HCN1: variants seen among roughly 807,000 people sequenced by gnomAD.
HCN1 encodes the protein potassium/sodium hyperpolarization-activated cyclic nucleotide-gated channel 1.
In HCN1, 13 loss-of-function variants were observed where a neutral mutation model predicts 78.9. That is an observed-to-expected ratio of 0.16 (90% CI 0.11 to 0.26). The LOEUF (loss-of-function observed/expected upper bound fraction) is 0.26, where lower values mean the gene tolerates loss of function less well. Ranked by LOEUF, HCN1 falls within the 10% of genes least tolerant of loss-of-function variation. The probability of loss-of-function intolerance (pLI) is 1.00; values close to 1 mark genes in which losing one functional copy is unlikely to be tolerated. For missense variants in HCN1, 810 were observed against 1,154.3 expected (o/e 0.70, Z 4.32); for synonymous variants, 552 against 455.5 (o/e 1.21, Z -2.70).
intron 2 of HCN1, among the ~76,000 whole-genome samples, chr5:45,488,601 G>T (rs867352798): frequency 2.0e-5 from 3 of 152,144 alleles, no homozygotes; most frequent in Middle Eastern, 3.4e-3. Flanking sequence ...CTAAAGAGCT[G>T]CCAGAGTTCA....
intron 1 of HCN1, among the ~76,000 whole-genome samples, chr5:45,671,647 T>C (rs1746154166): frequency 6.6e-6 from 1 of 151,466 alleles, no homozygotes; most frequent in Non-Finnish European, 1.5e-5. Context: ...TAAAAAAATA[T>C]GAAGGTAGAA....
intron 3 of HCN1, among the ~76,000 whole-genome samples, chr5:45,401,299 G>A (rs566285807): frequency 1.8e-4 from 27 of 152,166 alleles, no homozygotes; most frequent in East Asian, 1.7e-3. Context: ...TTGAGAAGGC[G>A]TTCATGTATT....
At chr5:45,281,674 G>A (rs919559213) in intron 6 of HCN1, among the ~76,000 whole-genome samples, 11 of 132,952 alleles carry the variant, frequency 8.3e-5, no homozygotes, top group South Asian at 5.1e-4. Flanking sequence ...TGTAACCTCC[G>A]CTTCCTGGGT....
intron 2 of HCN1, among the ~76,000 whole-genome samples, chr5:45,557,067 T>TA (rs956699976): frequency 2.6e-5 from 4 of 152,126 alleles, no homozygotes; most frequent in African/African-American, 2.4e-5. Context: ...TTGAAAGACT[T>TA]ACAACCTTCA....
chr5:45,397,188 C>G (rs986748280), intron 3 of HCN1, among the ~76,000 whole-genome samples: 1 of 152,082 alleles, frequency 6.6e-6, no homozygotes, highest in African/African-American at 2.4e-5. Flanking sequence ...GTCCTTACCA[C>G]TACAACTTTC....
rs1287199477 is a variant in HCN1, at chr5:45,689,899, ATAACAGGAATGTCAACCTT to A, written c.425+5751_425+5769del. ...TGTCCTAAAACAGCCTGTAAATATC[ATAACAGGAATGTCAACCTT>A]GGAGAACCTACGTTATTCGTGTCAT... On this transcript the variant is annotated intron_variant, in intron 1 of 7. Transcript: ENST00000303230. Among the ~76,000 whole-genome samples the A allele has an allele frequency of 3.3e-5, 5 of 152,272 alleles. No individual in the cohort carries two copies. The East Asian group carries it at 9.6e-4, about 29-fold the overall frequency.
At chr5:45,489,737 G>C (rs917800656) in intron 2 of HCN1, among the ~76,000 whole-genome samples, 5 of 152,150 alleles carry the variant, frequency 3.3e-5, no homozygotes, top group Non-Finnish European at 4.4e-5. Flanking sequence ...TGTTCTCCAA[G>C]ATGTGGTTCC....
intron 6 of HCN1, among the ~76,000 whole-genome samples, chr5:45,279,694 T>C (rs1745123644): frequency 6.6e-6 from 1 of 152,104 alleles, no homozygotes; most frequent in African/African-American, 2.4e-5. Flanking sequence ...GTTTCACTGG[T>C]ACCTCATACA....
chr5:45,386,253 G>A (rs1219549604), intron 4 of HCN1, among the ~76,000 whole-genome samples: 1 of 148,584 alleles, frequency 6.7e-6, no homozygotes, highest in Non-Finnish European at 1.5e-5. Context: ...AGAGCTCACT[G>A]CAGCCTCAAC....
chr5:45,589,194 G>A (rs969113001), intron 2 of HCN1, among the ~76,000 whole-genome samples: 2 of 152,200 alleles, frequency 1.3e-5, no homozygotes, highest in African/African-American at 4.8e-5. Context: ...GCTGTTTTCA[G>A]CATAATACAC....
intron 2 of HCN1, among the ~76,000 whole-genome samples, chr5:45,623,218 G>C (rs1425063942): frequency 6.6e-6 from 1 of 152,064 alleles, no homozygotes; most frequent in Non-Finnish European, 1.5e-5. Flanking sequence ...ATCCATAAGA[G>C]GAGAACTGTG....
intron 5 of HCN1, among the ~76,000 whole-genome samples, chr5:45,334,795 A>T (rs1199215993): frequency 6.6e-6 from 1 of 151,984 alleles, no homozygotes; most frequent in Admixed American, 6.6e-5. Flanking sequence ...TTTGTTATTT[A>T]TGCCTGTTAC....
intron 3 of HCN1, among the ~76,000 whole-genome samples, chr5:45,408,731 A>T (rs1739974086): frequency 6.6e-6 from 1 of 152,162 alleles, no homozygotes; most frequent in South Asian, 2.1e-4. Context: ...TTAGTAGATC[A>T]TCTCTTTTAT....
chr5:45,406,271 C>G (rs1739917745), intron 3 of HCN1, among the ~76,000 whole-genome samples: 1 of 151,960 alleles, frequency 6.6e-6, no homozygotes, highest in Non-Finnish European at 1.5e-5. Flanking sequence ...TAAATATAAG[C>G]AAACATATTT....
At chr5:45,564,523 C>T (rs1234077921) in intron 2 of HCN1, among the ~76,000 whole-genome samples, 1 of 152,150 alleles carries the variant, frequency 6.6e-6, no homozygotes, top group Non-Finnish European at 1.5e-5. Context: ...CCTACAACTC[C>T]TATCCTCCTA....
intron 3 of HCN1, among the ~76,000 whole-genome samples, chr5:45,460,215 TGATTGCTTTGCTCTCATAAATA>T (rs761928043): frequency 6.6e-6 from 1 of 152,134 alleles, no homozygotes; most frequent in Non-Finnish European, 1.5e-5. Flanking sequence ...GTTTAGGTCA[TGATTGCTTTGCTCTCATAAATA>T]GATTAAAGAA....
chr5:45,269,999 A>G (rs985537694), intron 6 of HCN1, among the ~76,000 whole-genome samples: 5 of 152,234 alleles, frequency 3.3e-5, no homozygotes, highest in Admixed American at 2.0e-4. Context: ...GCACTGGTTT[A>G]TCCAATACAT....
chr5:45,352,671 G>A (rs529856662), intron 5 of HCN1, among the ~76,000 whole-genome samples: 63 of 151,988 alleles, frequency 4.1e-4, no homozygotes, highest in African/African-American at 1.5e-3. Flanking sequence ...TATTAATGTT[G>A]CAAAGTGTTT....
At chr5:45,342,998 C>A (rs1475670143) in intron 5 of HCN1, among the ~76,000 whole-genome samples, 2 of 152,058 alleles carry the variant, frequency 1.3e-5, no homozygotes, top group South Asian at 4.2e-4. Context: ...GATATAAGAT[C>A]CAGTCTCATA....
Sources: gnomAD v4.1 joint callset for allele counts (sites outside exome capture counted in the v4.1 genomes callset) on GRCh38, gnomAD v4.1.1 for gene constraint, MANE v1.5 for transcripts, NCBI Gene and HGNC (gene_info 2026-07-23, HGNC 2026-07-21) for gene names.